Variants in PLXNB3 observed in about 807,000 individuals in gnomAD.
PLXNB3 encodes the protein plexin B3, also known as plexin-B3.
Under a neutral mutation model 125.7 loss-of-function variants are expected in PLXNB3, and 80 were observed. The observed-to-expected ratio is 0.64, with a 90% CI of 0.53 to 0.77. The LOEUF (loss-of-function observed/expected upper bound fraction) is 0.77. Ranked by LOEUF, PLXNB3 falls within the 30% of genes least tolerant of loss-of-function variation. The probability of loss-of-function intolerance (pLI) is 0.00; values close to 1 mark genes in which losing one functional copy is unlikely to be tolerated. For synonymous variants in PLXNB3, 954 were observed against 783.3 expected (o/e 1.22, Z -3.64); for missense variants, 1,836 against 1,729.3 (o/e 1.06, Z -1.09).
At position 153,770,899 on chromosome X, in the gene PLXNB3, G is replaced by A. The variant is rs1557061586; in HGVS notation, c.2136+16G>A. ...ACATTTCCGAGTGAGCCATCAGGAG[G>A]GAAGGGGACAGGGCAGTGAGGTCTG... On this transcript the variant is annotated intron_variant, in intron 11 of 35. Transcript: ENST00000361971. 5 of 1,204,381 alleles carry A rather than the reference G, an allele frequency of 4.2e-6. No individual in the cohort carries two copies. The highest frequency in any genetic ancestry group is 1.7e-5 in the African/African-American group (1 of 57,922).
chrX:153,777,975 C>T lies in PLXNB3; in HGVS notation c.5289C>T (p.Ala1763=), dbSNP rs1603251219. ...TGCTGCTGCGGTTCTGGGTGAATGC[C>T]TTGAAGAACCCACAGCTCATCTTTG... ...NSLLLRFWVN[A]LKNPQLIFDV... The change falls in exon 32 of 36, where the codon GCC becomes GCT. Residue 1763 remains alanine, a synonymous_variant. Transcript: ENST00000361971. 4 of 1,211,027 alleles carry T rather than the reference C, an allele frequency of 3.3e-6. No homozygotes were observed.
chrX:153,765,700 C>A, intron 2 of PLXNB3, 120 bp downstream of exon 2: 1 of 1,147,455 alleles, frequency 8.7e-7, no homozygotes, highest in Admixed American at 2.7e-5. Flanking sequence ...GACACTGCCC[C>A]AGATAGCCCG....
In PLXNB3 at chrX:153,770,416, G is replaced by A; in HGVS notation, c.1865G>A (p.Ser622Asn). ...AATNFSFYDC[S>N]AVQALEAAAP... Reference sequence around the variant, plus strand: ...ACCAACTTCTCCTTTTATGACTGCAGTGCCGTCCAGGCCTTGGAGGCGGCT... The same window carrying A: ...ACCAACTTCTCCTTTTATGACTGCAATGCCGTCCAGGCCTTGGAGGCGGCT... The change falls in exon 9 of 36, where the codon AGT becomes AAT. Residue 622 changes from serine to asparagine, a missense_variant. Transcript: ENST00000361971. 3.3e-6 allele frequency: 4 copies of A among 1,210,345 alleles called. No homozygotes were observed. Among genetic ancestry groups the A allele is most frequent in the Non-Finnish European group, 4.5e-6 (4 of 894,676 alleles).
At position 153,774,237 on chromosome X, in the gene PLXNB3, G is replaced by C; in HGVS notation, c.3571G>C (p.Gly1191Arg). 8.4e-7 allele frequency: 1 copy of C among 1,197,526 alleles called. No homozygotes were observed. Among genetic ancestry groups the C allele is most frequent in the Non-Finnish European group, 1.1e-6 (1 of 892,519 alleles). Reference sequence around the variant, plus strand: ...CAAGGAGGAGGTGCGCGTGCACATCGGCCGCGGCGAGTGCCTGGTGAAGAC... The same window carrying C: ...CAAGGAGGAGGTGCGCGTGCACATCCGCCGCGGCGAGTGCCTGGTGAAGAC... ...ISKEEVRVHI[G>R]RGECLVKTLT... The change falls in exon 21 of 36, where the codon GGC becomes CGC. Residue 1191 changes from glycine to arginine, a missense_variant. Gly to Arg is a moderately radical substitution (Grantham distance 125, BLOSUM62 -2). Transcript: ENST00000361971.
In PLXNB3 at chrX:153,775,301, C is replaced by T. The variant is rs34054116; in HGVS notation, c.4232C>T (p.Ala1411Val). 7.8e-4 allele frequency: 941 copies of T among 1,208,461 alleles called. 9 individuals carry two copies. The African/African-American group carries it at 0.014, about 18-fold the overall frequency. The change falls in exon 25 of 36, where the codon GCG becomes GTG. Residue 1411 changes from alanine to valine, a missense_variant. By Grantham distance (64) the Ala-to-Val change is moderately conservative. Transcript: ENST00000361971. ...RCHVASLLSL[A>V]LHGKLEYLTD... is the part of the protein sequence containing the mutation. ...CATGTGGCTTCGCTGCTGTCGCTAG[C>T]GCTACACGGCAAGCTGGAGTACCTG...
chrX:153,771,573 A>G lies in PLXNB3; in HGVS notation c.2435A>G (p.Asp812Gly), dbSNP rs1423968200. Residue 812 changes from aspartate to glycine, a missense_variant, in exon 14 of 36, where the codon GAC (aspartate) becomes GGC (glycine). By Grantham distance (94) the Asp-to-Gly change is moderately conservative. Transcript: ENST00000361971. ...AGCCTGGGCTGCCTGTGGTGTGCTG[A>G]CGGCCAGCCTGCCTGTCGCTATGGG... is the stretch of plus-strand genomic sequence containing the variant. ...NRSLGCLWCA[D>G]GQPACRYGPL... is the part of the protein sequence containing the mutation. 1 of 1,208,780 alleles carries G rather than the reference A, an allele frequency of 8.3e-7. No homozygotes were observed. The highest frequency in any genetic ancestry group is 1.8e-5 in the South Asian group (1 of 56,754).
intron 4 of PLXNB3, among the ~76,000 whole-genome samples, chrX:153,768,639 G>A (rs1452038055): frequency 1.8e-5 from 2 of 112,657 alleles, no homozygotes; most frequent in African/African-American, 3.2e-5. Flanking sequence ...GTGGCTGGGT[G>A]AGGTGGGCAG....
chrX:153,772,829 G>C, intron 16 of PLXNB3, 57 bp from the exon 17 acceptor site: 2 of 1,066,938 alleles, frequency 1.9e-6, no homozygotes, highest in Non-Finnish European at 2.4e-6. Flanking sequence ...CATGGCCCAG[G>C]GGGGTGAAAG....
At chrX:153,769,461 G>A (rs1339262546) in intron 6 of PLXNB3, among the ~76,000 whole-genome samples, 199 bp downstream of exon 6, 1 of 112,031 alleles carries the variant, frequency 8.9e-6, no homozygotes, top group African/African-American at 3.2e-5. Flanking sequence ...GACACCACCC[G>A]GCCTGTGGAC....
chrX:153,771,882 C>T lies in PLXNB3; in HGVS notation c.2536C>T (p.Pro846Ser), dbSNP rs782311955. 15 of 1,207,774 alleles carry T rather than the reference C, an allele frequency of 1.2e-5. No individual in the cohort carries two copies. Among genetic ancestry groups the T allele is most frequent in the Non-Finnish European group, 1.6e-5 (14 of 894,671 alleles). Residue 846 changes from proline to serine, a missense_variant, in exon 15 of 36, where the codon CCC becomes TCC. Coordinates refer to ENST00000361971, the MANE Select transcript of PLXNB3 (RefSeq NM_005393.3). ...SIDAVEPLTG[P>S]PEGGLALTIL... ...GCTGCAGGTCGAGCCCCTGACCGGT[C>T]CCCCTGAGGGAGGCTTGGCCCTCAC...
At chrX:153,769,740 CCCCT>C in intron 6 of PLXNB3, 63 bp from the exon 7 acceptor site, 1 of 1,111,265 alleles carries the variant, frequency 9.0e-7, no homozygotes, top group East Asian at 3.3e-5. Flanking sequence ...CCTCCCCAGG[CCCCT>C]GTTGCCGGTC....
chrX:153,774,668 C>T (rs782648041), intron 22 of PLXNB3, 38 bp from the exon 23 acceptor site: 141 of 1,148,951 alleles, frequency 1.2e-4, no homozygotes, highest in Non-Finnish European at 1.6e-4. Context: ...CTGATGCTGG[C>T]CCCGGCCCTG....
intron 16 of PLXNB3, chrX:153,772,608 G>A: frequency 1.4e-5 from 11 of 776,919 alleles, no homozygotes; most frequent in Non-Finnish European, 1.7e-5. Flanking sequence ...AGGTCTGGGG[G>A]CTGTAAGCTG....
intron 15 of PLXNB3, 47 bp from the exon 16 acceptor site, chrX:153,772,135 C>T: frequency 9.1e-7 from 1 of 1,104,904 alleles, no homozygotes. Flanking sequence ...GTGGGCTGTC[C>T]CCTCCGTCCC....
rs1164616249 is a variant in PLXNB3, at chrX:153,773,226, G to C, written c.2907-4G>C. Reference sequence around the variant, plus strand: ...GATGAGAGACCCCACTACCCATCCTGCAGCCTGGAGCCAGTGTGTCCGGAG... The same window carrying C: ...GATGAGAGACCCCACTACCCATCCTCCAGCCTGGAGCCAGTGTGTCCGGAG... On this transcript the variant is annotated splice_polypyrimidine_tract_variant and splice_region_variant and intron_variant, in intron 17 of 35. Transcript: ENST00000361971. 4.2e-6 allele frequency: 5 copies of C among 1,197,760 alleles called. No homozygotes were observed. In the Admixed American group the frequency reaches 1.1e-4, roughly 27 times the overall value.
At position 153,779,255 on chromosome X, in the gene PLXNB3, C is replaced by T. The variant is rs191697788; in HGVS notation, c.*216C>T. 5 of 294,438 alleles carry T rather than the reference C, an allele frequency of 1.7e-5. No homozygotes were observed. The highest frequency in any genetic ancestry group is 8.6e-5 in the African/African-American group (3 of 35,024). 24.3% of individuals were successfully genotyped at this position (294,438 alleles called of 1,213,427 possible). Reference sequence around the variant, plus strand: ...GATTGTTTCTAATTTATAAGGATCCCCCTCCTTCCCCCTCTCCCCATTGTA... The same window carrying T: ...GATTGTTTCTAATTTATAAGGATCCTCCTCCTTCCCCCTCTCCCCATTGTA... On this transcript the variant is annotated 3_prime_UTR_variant, in exon 36 of 36. Transcript: ENST00000361971.
Position 153,773,379 on chromosome X carries a change from C to A in PLXNB3, c.3056C>A (p.Ala1019Glu), listed in dbSNP as rs201440646. ...TACACCGCCAACCCCCAGCTTGTAGCGGCGGAGCCCAGTGCCAGCTTCCGG... is the reference window on the plus strand; with the variant it reads ...TACACCGCCAACCCCCAGCTTGTAGAGGCGGAGCCCAGTGCCAGCTTCCGG... Reference protein sequence around the residue: ...FRYTANPQLVAAEPSASFRGG... With the variant: ...FRYTANPQLVEAEPSASFRGG... Residue 1019 changes from alanine (A) to glutamate (E), a missense_variant, in exon 18 of 36, where the codon GCG (alanine) becomes GAG (glutamate). Ala to Glu is a moderately radical substitution (Grantham distance 107). Transcript: ENST00000361971. 7.5e-6 allele frequency: 9 copies of A among 1,203,688 alleles called. No homozygotes were observed. In the Admixed American group the frequency reaches 2.0e-4, roughly 26 times the overall value.
chrX:153,768,267 C>A lies in PLXNB3; in HGVS notation c.1105C>A (p.Pro369Thr), dbSNP rs1557060093. Reference protein sequence around the residue: ...TLPLDSPESYPCGDEHTPSPI... With the variant: ...TLPLDSPESYTCGDEHTPSPI... ...CACGTAGGATTCCCCCGAGTCGTAC[C>A]CCTGTGGCGACGAGCACACCCCCAG... The change falls in exon 4 of 36, where the codon CCC becomes ACC. Residue 369 changes from proline (P) to threonine (T), a missense_variant. Coordinates refer to ENST00000361971, the MANE Select transcript of PLXNB3 (RefSeq NM_005393.3). 1 of 1,195,454 alleles carries A rather than the reference C, an allele frequency of 8.4e-7. No homozygotes were observed. The highest frequency in any genetic ancestry group is 2.2e-5 in the Admixed American group (1 of 45,561).
Position 153,771,866 on chromosome X carries a change from C to G in PLXNB3, c.2520C>G (p.Val840=). 1 of 1,206,793 alleles carries G rather than the reference C, an allele frequency of 8.3e-7. No individual in the cohort carries two copies. Among genetic ancestry groups the G allele is most frequent in the South Asian group, 1.8e-5 (1 of 56,555 alleles). The change falls in exon 15 of 36, where the codon GTC becomes GTG. Residue 840 remains valine (V), a splice_region_variant and synonymous_variant. Transcript: ENST00000361971. ...CTGCCATCATTTGCCTGCTGCAGGT[C>G]GAGCCCCTGACCGGTCCCCCTGAGG... ...LLCPAPSIDA[V]EPLTGPPEGG... is the part of the protein sequence containing the mutation.
Sources: gnomAD v4.1 joint callset for allele counts (sites outside exome capture counted in the v4.1 genomes callset) on GRCh38, gnomAD v4.1.1 for gene constraint, MANE v1.5 for transcripts, NCBI Gene and HGNC (gene_info 2026-07-23, HGNC 2026-07-21) for gene names.